DDX10: variants seen among roughly 807,000 people sequenced by gnomAD.
DDX10 encodes the protein probable ATP-dependent RNA helicase DDX10.
DDX10 carries 74 observed loss-of-function variants against 104.3 expected under a neutral mutation model. The ratio of observed to expected loss-of-function variants is 0.71; its 90% confidence interval spans 0.59 to 0.86. The LOEUF (loss-of-function observed/expected upper bound fraction) is 0.86, where lower values mean the gene tolerates loss of function less well. Among genes scored for constraint, DDX10 ranks in the 40% least tolerant of loss-of-function variants. DDX10 has a pLI of 0.00. For synonymous variants in DDX10, 351 were observed against 353.4 expected (o/e 0.99, Z 0.08); for missense variants, 952 against 1,040.0 (o/e 0.92, Z 1.16).
chr11:108,918,388 T>G (rs1486680236), intron 17 of DDX10: 1 of 245,640 alleles, frequency 4.1e-6, no homozygotes, highest in Non-Finnish European at 7.7e-6. Flanking sequence ...GGTTTTATTT[T>G]TTTTCATTGT....
chr11:108,788,175 T>C (rs1230722411), intron 13 of DDX10, among the ~76,000 whole-genome samples: 2 of 152,134 alleles, frequency 1.3e-5, no homozygotes, highest in South Asian at 2.1e-4. Flanking sequence ...CTGGGTTTAT[T>C]TGGAGATAAG....
In DDX10 at chr11:108,812,815, T is replaced by C. The variant is rs182616745; in HGVS notation, c.1966-25631T>C. Among the ~76,000 whole-genome samples the C allele has an allele frequency of 1.1e-3, 162 of 151,558 alleles. 2 individuals are homozygous for C. Among genetic ancestry groups the C allele is most frequent in the African/African-American group, 3.8e-3 (159 of 41,372 alleles). Reference sequence around the variant, plus strand: ...TGGCCAACATGGTGAAACCCCGTTTTTACTGAAACTACAAGAATTAGCCGG... The same window carrying C: ...TGGCCAACATGGTGAAACCCCGTTTCTACTGAAACTACAAGAATTAGCCGG... On this transcript the variant is annotated intron_variant, in intron 13 of 17. Coordinates refer to ENST00000322536, the MANE Select transcript of DDX10 (RefSeq NM_004398.4).
intron 13 of DDX10, among the ~76,000 whole-genome samples, chr11:108,812,148 T>G (rs1287820039): frequency 6.6e-6 from 1 of 152,230 alleles, no homozygotes; most frequent in African/African-American, 2.4e-5. Context: ...ATATAGCTGT[T>G]GTTAGAGACT....
At position 108,768,352 on chromosome 11, in the gene DDX10, A is replaced by G. The variant is rs374235218; in HGVS notation, c.1965+44890A>G. ...AAGAATGAATTAGATTTTTCTATCT[A>G]TACATTTATCTTGAGAGGAGAAAAG... is the stretch of plus-strand genomic sequence containing the variant. On this transcript the variant is annotated intron_variant, in intron 13 of 17. Transcript: ENST00000322536. Among the ~76,000 whole-genome samples, 16 of 152,330 alleles carry G rather than the reference A, an allele frequency of 1.1e-4. No homozygotes were observed. In the East Asian group the frequency reaches 3.1e-3, roughly 29 times the overall value.
At chr11:108,721,668 T>G (rs1023833090) in intron 12 of DDX10, among the ~76,000 whole-genome samples, 2 of 152,232 alleles carry the variant, frequency 1.3e-5, no homozygotes, top group Non-Finnish European at 2.9e-5. Context: ...GCTATGTTGT[T>G]TCCTTGAGGT....
At chr11:108,796,393 A>T (rs1861941982) in intron 13 of DDX10, among the ~76,000 whole-genome samples, 1 of 152,118 alleles carries the variant, frequency 6.6e-6, no homozygotes, top group Admixed American at 6.5e-5. Context: ...TTGGGGACAG[A>T]TTTATTATTT....
chr11:108,674,024 TAAAAA>T (rs1200503625), intron 2 of DDX10, among the ~76,000 whole-genome samples: 5 of 152,148 alleles, frequency 3.3e-5, no homozygotes, highest in Non-Finnish European at 7.4e-5. Flanking sequence ...TTTGGATACA[TAAAAA>T]TTGTATATAT....
Position 108,772,139 on chromosome 11 carries a change from C to T in DDX10, c.1965+48677C>T, listed in dbSNP as rs961830582. ...CACTATGCAGCAGAAGTGCTTTATG[C>T]GTAGTTGTCACGTGGTCACACAAAA... On this transcript the variant is annotated intron_variant, in intron 13 of 17. Coordinates refer to ENST00000322536, the MANE Select transcript of DDX10 (RefSeq NM_004398.4). Among the ~76,000 whole-genome samples the T allele has an allele frequency of 5.3e-5, 8 of 152,206 alleles. No homozygotes were observed. The East Asian group carries it at 1.2e-3, about 22-fold the overall frequency.
intron 7 of DDX10, 63 bp downstream of exon 7, chr11:108,689,125 A>G: frequency 6.6e-7 from 1 of 1,516,122 alleles, no homozygotes; most frequent in Non-Finnish European, 9.1e-7. Flanking sequence ...ATGGCAAATC[A>G]ATTAGACAAA....
intron 16 of DDX10, among the ~76,000 whole-genome samples, chr11:108,863,796 C>T (rs1433341426): frequency 6.6e-5 from 10 of 151,476 alleles, no homozygotes; most frequent in African/African-American, 2.2e-4. Context: ...ATATTGTCCT[C>T]TCTAAGCAAA....
intron 6 of DDX10, among the ~76,000 whole-genome samples, chr11:108,683,531 G>A (rs898309236): frequency 1.3e-5 from 2 of 152,108 alleles, no homozygotes; most frequent in Non-Finnish European, 2.9e-5. Flanking sequence ...GCTCTCAGAT[G>A]CTGCCAGTCT....
intron 16 of DDX10, among the ~76,000 whole-genome samples, chr11:108,860,352 ACTGT>A (rs1862924944): frequency 6.6e-6 from 1 of 152,160 alleles, no homozygotes; most frequent in Non-Finnish European, 1.5e-5. Flanking sequence ...GACATATACC[ACTGT>A]AGAATTATCA....
chr11:108,911,212 A>C (rs564834234), intron 16 of DDX10, among the ~76,000 whole-genome samples: 23 of 152,330 alleles, frequency 1.5e-4, no homozygotes, highest in African/African-American at 5.5e-4. Flanking sequence ...TGTGTCTGCT[A>C]TACATAATAG....
chr11:108,693,136 G>A (rs2094255046), intron 8 of DDX10, among the ~76,000 whole-genome samples: 1 of 152,144 alleles, frequency 6.6e-6, no homozygotes, highest in Non-Finnish European at 1.5e-5. Flanking sequence ...AACATGCAGT[G>A]TTTGGGTTTC....
intron 16 of DDX10, among the ~76,000 whole-genome samples, chr11:108,853,482 G>T (rs1028948469): frequency 1.2e-4 from 18 of 151,432 alleles, no homozygotes; most frequent in Admixed American, 3.9e-4. Context: ...ATGCATATTT[G>T]TATATATATT....
At chr11:108,821,304 C>G (rs1358966959) in intron 13 of DDX10, among the ~76,000 whole-genome samples, 1 of 152,138 alleles carries the variant, frequency 6.6e-6, no homozygotes, top group Non-Finnish European at 1.5e-5. Context: ...TTTCTAGTCT[C>G]TCTGGGATAG....
At chr11:108,882,643 T>C (rs1400825799) in intron 16 of DDX10, among the ~76,000 whole-genome samples, 2 of 152,194 alleles carry the variant, frequency 1.3e-5, no homozygotes, top group Non-Finnish European at 2.9e-5. Flanking sequence ...TATATGTAAA[T>C]AGAGAGTCAA....
At chr11:108,847,412 T>C (rs965444405) in intron 15 of DDX10, among the ~76,000 whole-genome samples, 1 of 152,200 alleles carries the variant, frequency 6.6e-6, no homozygotes, top group African/African-American at 2.4e-5. Context: ...AACAATTCAT[T>C]ATGAAGCTCT....
Position 108,766,016 on chromosome 11 carries a change from C to T in DDX10, c.1965+42554C>T, listed in dbSNP as rs576603088. On this transcript the variant is annotated intron_variant, in intron 13 of 17. Transcript: ENST00000322536. ...CATTCCTAATTGCTGCAAAGCCTTA[C>T]GTAAATGTTACTGATAGTGTTTTAC... 5.9e-5 allele frequency among the ~76,000 whole-genome samples: 9 copies of T among 152,268 alleles called. No homozygotes were observed. The East Asian group carries it at 9.6e-4, about 16-fold the overall frequency.
Sources: gnomAD v4.1 joint callset for allele counts (sites outside exome capture counted in the v4.1 genomes callset) on GRCh38, gnomAD v4.1.1 for gene constraint, MANE v1.5 for transcripts, NCBI Gene and HGNC (gene_info 2026-07-23, HGNC 2026-07-21) for gene names.